Variants in MCM6 observed in about 807,000 individuals in gnomAD.
MCM6 encodes DNA replication licensing factor MCM6.
In MCM6, 46 loss-of-function variants were observed where a neutral mutation model predicts 94.3. The ratio of observed to expected loss-of-function variants is 0.49; its 90% CI spans 0.39 to 0.62. MCM6 has a LOEUF of 0.62. Among genes scored for constraint, MCM6 ranks in the 20% least tolerant of loss-of-function variants. MCM6 has a pLI of 0.00. For synonymous variants in MCM6, 335 were observed against 351.9 expected, an observed-to-expected ratio of 0.95 and a Z score of 0.54; for missense variants, 865 against 1,017.9, an observed-to-expected ratio of 0.85 and a Z score of 2.04.
At chr2:135,853,100 G>A (rs1012623726) in intron 11 of MCM6, among the ~76,000 whole-genome samples, 185 bp from the exon 12 acceptor site, 1 of 152,214 alleles carries the variant, frequency 6.6e-6, no homozygotes, top group African/African-American at 2.4e-5. Context: ...ACGTTTAAAT[G>A]TATACCATTG....
intron 15 of MCM6, among the ~76,000 whole-genome samples, chr2:135,845,663 A>G (rs1679657353): frequency 6.6e-6 from 1 of 152,250 alleles, no homozygotes; most frequent in East Asian, 1.9e-4. Flanking sequence ...GTTTAGGTTC[A>G]ACATCTTGAA....
At chr2:135,874,235 G>T (rs916863667) in intron 1 of MCM6, among the ~76,000 whole-genome samples, 1 of 152,174 alleles carries the variant, frequency 6.6e-6, no homozygotes, top group Admixed American at 6.5e-5. Flanking sequence ...TGGGTAGGTG[G>T]GGTTGAGGAT....
In MCM6 at chr2:135,866,599, T is replaced by C; in HGVS notation, c.745A>G (p.Ile249Val). The change falls in exon 5 of 17, where the codon ATT becomes GTT. Residue 249 changes from isoleucine to valine, a missense_variant. Physicochemically the swap from Ile to Val is conservative, Grantham distance 29 (BLOSUM62 3). Coordinates refer to ENST00000264156, the MANE Select transcript of MCM6 (RefSeq NM_005915.6). ...AGCTTGGAGACGTCAGGCACAACAA[T>C]CAGTGTCCCTGTAAAGTCACACTTG... ...GDKCDFTGTL[I>V]VVPDVSKLST... 1 of 1,613,764 alleles carries C rather than the reference T, an allele frequency of 6.2e-7. No individual in the cohort carries two copies. The highest frequency in any genetic ancestry group is 8.5e-7 in the Non-Finnish European group (1 of 1,179,906).
At chr2:135,857,210 T>C (rs1255718372) in intron 10 of MCM6, among the ~76,000 whole-genome samples, 1 of 152,214 alleles carries the variant, frequency 6.6e-6, no homozygotes, top group East Asian at 1.9e-4. Flanking sequence ...AGCTGTGGTA[T>C]ACACAATTGA....
At position 135,865,173 on chromosome 2, in the gene MCM6, G is replaced by A. The variant is rs1337753575; in HGVS notation, c.928-10C>T. On this transcript the variant is annotated splice_polypyrimidine_tract_variant and intron_variant, in intron 6 of 16. Transcript: ENST00000264156. Reference sequence around the variant, plus strand: ...GCTCTTTCCCCCCAAACTAATGGTAGAGAACAAAGGAAGAATCATTAGTAT... The same window carrying A: ...GCTCTTTCCCCCCAAACTAATGGTAAAGAACAAAGGAAGAATCATTAGTAT... The A allele has an allele frequency of 6.8e-7, 1 of 1,466,994 alleles. No individual in the cohort carries two copies. Among genetic ancestry groups the A allele is most frequent in the Non-Finnish European group, 9.0e-7 (1 of 1,107,968 alleles). 90.9% of individuals were successfully genotyped at this position (1,466,994 alleles called of 1,614,324 possible). A position where few individuals can be genotyped will look rare whatever the true frequency, so the allele number is the denominator to read the frequency against.
At chr2:135,851,584 A>G in intron 12 of MCM6, 21 bp from the exon 13 acceptor site, 3 of 1,565,276 alleles carry the variant, frequency 1.9e-6, no homozygotes, top group Non-Finnish European at 2.6e-6. Context: ...TCATCACTCA[A>G]GTTAGAGAAA....
intron 8 of MCM6, 26 bp downstream of exon 8, chr2:135,862,581 C>T: frequency 6.2e-7 from 1 of 1,612,716 alleles, no homozygotes; most frequent in Non-Finnish European, 8.5e-7. Flanking sequence ...CTTTTTCCTG[C>T]AACACTGTAT....
intron 2 of MCM6, among the ~76,000 whole-genome samples, chr2:135,871,502 T>C (rs1391051025): frequency 6.6e-6 from 1 of 152,244 alleles, no homozygotes; most frequent in Non-Finnish European, 1.5e-5. Context: ...TGGGTTTTCA[T>C]TTATCTTTCA....
At position 135,843,265 on chromosome 2, in the gene MCM6, G is replaced by A. The variant is rs887890643; in HGVS notation, c.2349+1280C>T. Among the ~76,000 whole-genome samples, 9 of 152,144 alleles carry A rather than the reference G, an allele frequency of 5.9e-5. No homozygotes were observed. In the East Asian group the frequency reaches 7.7e-4, roughly 13 times the overall value. On this transcript the variant is annotated intron_variant, in intron 16 of 16. Transcript: ENST00000264156. ...CTCTGTTTTTGAACACATTAAGCAC[G>A]AGATGCCTGTTAAACGCTCATCAGT... is the stretch of plus-strand genomic sequence containing the variant.
rs758747203 is a variant in MCM6 at position 135,876,407 on chromosome 2, G to A, written c.-42C>T. ...GGATTCGCCTGCGCCACGCTCGACCGCCACAAGTCGCTTTTTTCCAGACGC... is the reference window on the plus strand; with the variant it reads ...GGATTCGCCTGCGCCACGCTCGACCACCACAAGTCGCTTTTTTCCAGACGC... On this transcript the variant is annotated 5_prime_UTR_variant, in exon 1 of 17. Transcript: ENST00000264156. The A allele has an allele frequency of 4.5e-5, 68 of 1,513,570 alleles. No homozygotes were observed. In the Admixed American group the frequency reaches 8.4e-4, roughly 19 times the overall value. The allele number at this position is 1,513,570 out of a possible 1,614,324, so 93.8% of individuals were successfully genotyped here. A position where few individuals can be genotyped will look rare whatever the true frequency, so the allele number is the denominator to read the frequency against.
In MCM6 at chr2:135,856,565, T is replaced by A. The variant is rs1575362440; in HGVS notation, c.1626+163A>T. The stretch of plus-strand genomic sequence containing the variant: ...GTGGAAGAGGCAATTCAAATGACTT[T>A]ATTTTGAGTTGCTTACTAAACCCTT... On this transcript the variant is annotated intron_variant, in intron 11 of 16. Coordinates refer to ENST00000264156, the MANE Select transcript of MCM6 (RefSeq NM_005915.6). Among the ~76,000 whole-genome samples, 2 of 152,368 alleles carry A rather than the reference T, an allele frequency of 1.3e-5. 1 individual carries two copies. Among genetic ancestry groups the A allele is most frequent in the South Asian group, 4.1e-4 (2 of 4,832 alleles).
At chr2:135,872,189 T>A (rs1249831327) in intron 2 of MCM6, among the ~76,000 whole-genome samples, 1 of 152,160 alleles carries the variant, frequency 6.6e-6, no homozygotes, top group Non-Finnish European at 1.5e-5. Context: ...CTCACGCCTG[T>A]AATCCCAGCA....
chr2:135,859,597 C>T (rs761931911), intron 8 of MCM6, among the ~76,000 whole-genome samples, 155 bp from the exon 9 acceptor site: 46 of 152,036 alleles, frequency 3.0e-4, no homozygotes, highest in Non-Finnish European at 3.8e-4. Context: ...GAAGGTTTCT[C>T]TCCCTCGGCT....
In MCM6 at chr2:135,859,400, A is replaced by T; in HGVS notation, c.1263T>A (p.Gly421=). The T allele has an allele frequency of 1.2e-6, 2 of 1,613,448 alleles. No homozygotes were observed. Among genetic ancestry groups the T allele is most frequent in the Non-Finnish European group, 1.7e-6 (2 of 1,179,340 alleles). The change falls in exon 9 of 17, where the codon GGT becomes GGA. Residue 421 remains glycine (G), a synonymous_variant. Transcript: ENST00000264156. ...TTAAGCCAGCAGCACTGGACGCTTT[A>T]CCACTGGTGTAGACAGCTCTGGGGC... ...EFSPRAVYTS[G]KASSAAGLTA... is the part of the protein sequence containing the mutation.
rs1285128191 is a variant in MCM6 at position 135,856,859 on chromosome 2, T to G, written c.1495A>C (p.Ile499Leu). 1 of 1,614,020 alleles carries G rather than the reference T, an allele frequency of 6.2e-7. No individual in the cohort carries two copies. Among genetic ancestry groups the G allele is most frequent in the Non-Finnish European group, 8.5e-7 (1 of 1,180,012 alleles). ...VKATLNARTS[I>L]LAAANPISGH... ...CTGATTGGGTTTGCTGCTGCCAAAA[T>G]GGACGTCCGGGCGTTCAGAGTAGCC... The change falls in exon 11 of 17, where the codon ATT becomes CTT. Residue 499 changes from isoleucine to leucine, a missense_variant. Transcript: ENST00000264156.
chr2:135,853,017 A>C, intron 11 of MCM6, 102 bp from the exon 12 acceptor site: 1 of 1,045,158 alleles, frequency 9.6e-7, no homozygotes, highest in Non-Finnish European at 1.4e-6. Context: ...AAGCTCTAAT[A>C]TACCACTTAA....
At chr2:135,848,430 T>C (rs1575358892) in intron 13 of MCM6, among the ~76,000 whole-genome samples, 1 of 152,284 alleles carries the variant, frequency 6.6e-6, no homozygotes, top group South Asian at 2.1e-4. Flanking sequence ...GTCAAGAAGG[T>C]AGAACAACTC....
At chr2:135,871,215 G>A (rs995915322) in intron 2 of MCM6, among the ~76,000 whole-genome samples, 1 of 152,150 alleles carries the variant, frequency 6.6e-6, no homozygotes, top group East Asian at 1.9e-4. Flanking sequence ...AGTGGGGTCT[G>A]AAACCCTCTA....
Position 135,876,373 on chromosome 2 carries a change from T to G in MCM6, c.-8A>C. 1.2e-6 allele frequency: 2 copies of G among 1,600,564 alleles called. No individual in the cohort carries two copies. The highest frequency in any genetic ancestry group is 1.7e-6 in the Non-Finnish European group (2 of 1,176,776). On this transcript the variant is annotated 5_prime_UTR_variant, in exon 1 of 17. Transcript: ENST00000264156. ...TGCCGCCGCGAGGTCCATATTTGCT[T>G]AGTGCCGAGGATTCGCCTGCGCCAC...
Sources: gnomAD v4.1 joint callset for allele counts (sites outside exome capture counted in the v4.1 genomes callset) on GRCh38, gnomAD v4.1.1 for gene constraint, MANE v1.5 for transcripts, NCBI Gene and HGNC (gene_info 2026-07-23, HGNC 2026-07-21) for gene names.